Variants in ZNG1A observed in about 807,000 individuals in gnomAD.
The protein encoded by ZNG1A is Zn regulated GTPase metalloprotein activator 1A, also known as zinc-regulated GTPase metalloprotein activator 1A.
At chr9:155,965 A>T in the ZNG1A span, among the ~76,000 whole-genome samples, 91 of 150,282 alleles carry the variant, frequency 6.1e-4, 1 homozygote, top group African/African-American at 2.2e-3. Flanking sequence ...AAATAAAAAT[A>T]AAAAAATAAA....
the ZNG1A span, among the ~76,000 whole-genome samples, chr9:170,541 T>A: frequency 0.011 from 1,564 of 141,810 alleles, 17 homozygotes; most frequent in Middle Eastern, 0.029. Context: ...GTGCGCCACA[T>A]CGCCTGGCTA....
the ZNG1A span, chr9:156,337 G>C: frequency 8.7e-7 from 1 of 1,151,772 alleles, no homozygotes; most frequent in Non-Finnish European, 1.2e-6. Context: ...TAAATAGATA[G>C]CAATAATTCA....
At chr9:158,613 T>C in the ZNG1A span, among the ~76,000 whole-genome samples, 1 of 150,854 alleles carries the variant, frequency 6.6e-6, no homozygotes, top group Non-Finnish European at 1.5e-5. Flanking sequence ...TAAATGCATT[T>C]ACCTCTCCAA....
At chr9:166,270 T>G in the ZNG1A span, 3 of 142,262 alleles carry the variant, frequency 2.1e-5, no homozygotes, top group African/African-American at 8.2e-5. Flanking sequence ...CATTGCCCCA[T>G]TTGGCTCTCT....
At chr9:159,577 G>A in the ZNG1A span, among the ~76,000 whole-genome samples, 9 of 151,970 alleles carry the variant, frequency 5.9e-5, no homozygotes, top group Non-Finnish European at 1.3e-4. Context: ...AGCTGGGGGG[G>A]TTAGGGAGAG....
the ZNG1A span, chr9:154,941 G>C: frequency 7.3e-6 from 6 of 818,756 alleles, no homozygotes; most frequent in Admixed American, 1.4e-4. Flanking sequence ...ATTATCTAGT[G>C]CTCTATAGGA....
chr9:127,838 A>C, the ZNG1A span, among the ~76,000 whole-genome samples: 27 of 152,270 alleles, frequency 1.8e-4, no homozygotes, highest in Non-Finnish European at 1.5e-5. Context: ...ATATGTTTCC[A>C]GGATTTGTTT....
At chr9:174,721 A>T in the ZNG1A span, among the ~76,000 whole-genome samples, 3 of 151,298 alleles carry the variant, frequency 2.0e-5, no homozygotes, top group Non-Finnish European at 4.4e-5. Context: ...CTGAAAAAAA[A>T]TAGTACATTT....
the ZNG1A span, among the ~76,000 whole-genome samples, chr9:126,978 G>A: frequency 5.9e-5 from 9 of 151,922 alleles, no homozygotes; most frequent in Non-Finnish European, 7.4e-5. Context: ...TCCATGTATC[G>A]GCATGGTTTT....
At chr9:175,884 T>C in the ZNG1A span, 2 of 1,398,788 alleles carry the variant, frequency 1.4e-6, no homozygotes, top group Admixed American at 2.4e-5. Context: ...TTGCGTGCTA[T>C]TTTTCATATA....
At chr9:152,760 C>G in the ZNG1A span, among the ~76,000 whole-genome samples, 1 of 147,290 alleles carries the variant, frequency 6.8e-6, no homozygotes, top group Non-Finnish European at 1.5e-5. Context: ...CATCAATCAT[C>G]AATTCTCTAT....
chr9:141,468 A>G, the ZNG1A span, among the ~76,000 whole-genome samples: 3 of 149,896 alleles, frequency 2.0e-5, no homozygotes, highest in East Asian at 2.0e-4. Context: ...GAGAAATAAA[A>G]TACTTTACAG....
the ZNG1A span, chr9:146,298 G>T: frequency 3.8e-5 from 26 of 679,000 alleles, 1 homozygote; most frequent in South Asian, 5.5e-4. Context: ...TTGAATCACA[G>T]TTGAATCAAG....
the ZNG1A span, among the ~76,000 whole-genome samples, chr9:169,176 G>A: frequency 6.6e-6 from 1 of 152,108 alleles, no homozygotes; most frequent in Admixed American, 6.5e-5. Context: ...GGAGATCAAA[G>A]TATCAACATG....
chr9:155,010 C>G, the ZNG1A span, among the ~76,000 whole-genome samples: 1 of 152,034 alleles, frequency 6.6e-6, no homozygotes, highest in Non-Finnish European at 1.5e-5. Flanking sequence ...GTGTTCATTA[C>G]TATGCAAGTT....
chr9:173,839 C>T, the ZNG1A span, among the ~76,000 whole-genome samples: 4 of 152,034 alleles, frequency 2.6e-5, no homozygotes, highest in Non-Finnish European at 4.4e-5. Context: ...TGAGTAAAAA[C>T]CCTAGTTCAT....
chr9:172,345 G>C, the ZNG1A span: 6 of 673,132 alleles, frequency 8.9e-6, no homozygotes, highest in Admixed American at 3.0e-5. Flanking sequence ...TTACCAGTGA[G>C]AAAACAATAG....
chr9:177,645 G>C, the ZNG1A span: 14 of 1,464,930 alleles, frequency 9.6e-6, no homozygotes, highest in East Asian at 2.5e-5. Context: ...ACTATCCCTA[G>C]ATTCAGCAAC....
the ZNG1A span, chr9:162,507 G>C: frequency 1.3e-6 from 2 of 1,574,418 alleles, no homozygotes; most frequent in East Asian, 2.3e-5. Flanking sequence ...TTTTTAAAAA[G>C]AATGTTTATT....
Sources: gnomAD v4.1 joint callset for allele counts (sites outside exome capture counted in the v4.1 genomes callset) on GRCh38, gnomAD v4.1.1 for gene constraint, MANE v1.5 for transcripts, NCBI Gene and HGNC (gene_info 2026-07-23, HGNC 2026-07-21) for gene names.